The following SH3D19 variants were observed in gnomAD, a reference collection of about 807,000 sequenced individuals.
The protein encoded by SH3D19 is SH3 domain-containing protein 19.
A neutral mutation model predicts 112.1 loss-of-function variants in SH3D19; 58 were observed. The ratio of observed to expected loss-of-function variants is 0.52; its 90% CI spans 0.42 to 0.64. The LOEUF (loss-of-function observed/expected upper bound fraction) is 0.64. Ranked by LOEUF, SH3D19 falls within the 30% of genes least tolerant of loss-of-function variation. The pLI is 0.00. For synonymous variants in SH3D19, 391 were observed against 448.5 expected (o/e 0.87, Z 1.62); for missense variants, 1,090 against 1,263.4 (o/e 0.86, Z 2.08).
chr4:151,294,643 C>T (rs566011016), intron 1 of SH3D19, among the ~76,000 whole-genome samples: 97 of 152,320 alleles, frequency 6.4e-4, no homozygotes, highest in African/African-American at 2.0e-3. Context: ...AGTATGTCTA[C>T]GTGCATTCAA....
rs535496412 is a variant in SH3D19, at chr4:151,206,728, T to C, written c.153-19265A>G. Among the ~76,000 whole-genome samples, 8 of 152,028 alleles carry C rather than the reference T, an allele frequency of 5.3e-5. No homozygotes were observed. In the South Asian group the frequency reaches 1.0e-3, roughly 20 times the overall value. ...TTAAACTTGAATTAAATTAAAGGGGTTTTTATTATGAGCATACAAAGGTAT... is the reference window on the plus strand; with the variant it reads ...TTAAACTTGAATTAAATTAAAGGGGCTTTTATTATGAGCATACAAAGGTAT... On this transcript the variant is annotated intron_variant, in intron 2 of 19. Coordinates refer to ENST00000604030, the MANE Select transcript of SH3D19 (RefSeq NM_001378122.1).
intron 13 of SH3D19, among the ~76,000 whole-genome samples, chr4:151,139,044 T>G (rs537527603): frequency 2.6e-5 from 4 of 152,250 alleles, no homozygotes; most frequent in African/African-American, 9.6e-5. Context: ...CAGACTGGTC[T>G]GGACTCCTGA....
At chr4:151,213,499 G>T (rs1258817008) in intron 2 of SH3D19, among the ~76,000 whole-genome samples, 1 of 151,728 alleles carries the variant, frequency 6.6e-6, no homozygotes, top group African/African-American at 2.4e-5. Flanking sequence ...ACAAAAATTA[G>T]CCAGGCATGG....
intron 7 of SH3D19, among the ~76,000 whole-genome samples, chr4:151,167,109 C>CA (rs1342481270): frequency 6.6e-6 from 1 of 151,442 alleles, no homozygotes; most frequent in Non-Finnish European, 1.5e-5. Context: ...TACCAGCTCA[C>CA]AGTGAGTGAG....
intron 2 of SH3D19, among the ~76,000 whole-genome samples, chr4:151,189,995 G>C (rs1762385579): frequency 6.6e-6 from 1 of 152,168 alleles, no homozygotes; most frequent in African/African-American, 2.4e-5. Context: ...TAATGATATG[G>C]ATAATGAAAA....
intron 13 of SH3D19, 107 bp downstream of exon 13, chr4:151,139,668 G>C: frequency 1.1e-6 from 1 of 945,302 alleles, no homozygotes; most frequent in South Asian, 1.5e-5. Flanking sequence ...GGACTCTATA[G>C]GCACAGAAAA....
intron 3 of SH3D19, among the ~76,000 whole-genome samples, chr4:151,182,491 A>T (rs909194657): frequency 6.6e-6 from 1 of 152,248 alleles, no homozygotes; most frequent in Non-Finnish European, 1.5e-5. Flanking sequence ...GCCCCCAGGC[A>T]GCAGAGTGGC....
At chr4:151,215,539 C>T (rs1417975471) in intron 2 of SH3D19, among the ~76,000 whole-genome samples, 1 of 152,218 alleles carries the variant, frequency 6.6e-6, no homozygotes, top group African/African-American at 2.4e-5. Flanking sequence ...TACTGATTCT[C>T]AATCCTCCTG....
At chr4:151,275,549 G>A (rs1026936409) in intron 1 of SH3D19, among the ~76,000 whole-genome samples, 1 of 151,818 alleles carries the variant, frequency 6.6e-6, no homozygotes, top group African/African-American at 2.4e-5. Flanking sequence ...TTTGAGACAG[G>A]TTCTTTCCGT....
chr4:151,248,527 CTT>C (rs1419431961), intron 1 of SH3D19, among the ~76,000 whole-genome samples: 2 of 152,274 alleles, frequency 1.3e-5, no homozygotes, highest in East Asian at 3.9e-4. Context: ...TAAGATTAAA[CTT>C]AATTTAACAA....
intron 1 of SH3D19, among the ~76,000 whole-genome samples, chr4:151,302,123 A>C (rs187567397): frequency 6.6e-6 from 1 of 152,328 alleles, no homozygotes; most frequent in East Asian, 1.9e-4. Context: ...ATGTCAGGTT[A>C]ACCAAAGAAG....
Position 151,226,029 on chromosome 4 carries a change from G to T in SH3D19, c.152+18C>A, listed in dbSNP as rs1768938822. The T allele has an allele frequency of 1.6e-6, 2 of 1,226,248 alleles. No individual in the cohort carries two copies. The highest frequency in any genetic ancestry group is 2.0e-6 in the Non-Finnish European group (2 of 982,694). The allele number at this position is 1,226,248 out of a possible 1,614,324, so 76.0% of individuals were successfully genotyped here. On this transcript the variant is annotated intron_variant, in intron 2 of 19. Transcript: ENST00000604030. ...TAAGAAGCTTTATACAGAATTATTA[G>T]ATACTGTAAATTCATACCTTGAAGA...
At chr4:151,198,650 C>T (rs911515852) in intron 2 of SH3D19, among the ~76,000 whole-genome samples, 1 of 151,418 alleles carries the variant, frequency 6.6e-6, no homozygotes, top group African/African-American at 2.4e-5. Flanking sequence ...AAATAAAATA[C>T]ACTCAATCAA....
chr4:151,137,430 G>T (rs1397487529), intron 14 of SH3D19, among the ~76,000 whole-genome samples: 1 of 152,118 alleles, frequency 6.6e-6, no homozygotes, highest in African/African-American at 2.4e-5. Flanking sequence ...ATGTCTCAAA[G>T]AATTACCATA....
At chr4:151,300,384 C>G (rs1268214364) in intron 1 of SH3D19, 1 of 151,650 alleles carries the variant, frequency 6.6e-6, no homozygotes, top group Non-Finnish European at 1.5e-5. Context: ...TTAGCAAATA[C>G]TGAGTTCATA....
chr4:151,190,331 G>A (rs939902966), intron 2 of SH3D19, among the ~76,000 whole-genome samples: 3 of 152,218 alleles, frequency 2.0e-5, no homozygotes, highest in African/African-American at 7.2e-5. Flanking sequence ...AATGGCTGCA[G>A]AAACTTGCAT....
intron 2 of SH3D19, among the ~76,000 whole-genome samples, chr4:151,225,728 CACTT>C (rs1406070205): frequency 6.6e-6 from 1 of 151,948 alleles, no homozygotes; most frequent in East Asian, 1.9e-4. Flanking sequence ...CAGCAGTACA[CACTT>C]ACAAAAATAC....
intron 10 of SH3D19, among the ~76,000 whole-genome samples, chr4:151,148,664 A>G (rs1181815465): frequency 1.3e-5 from 2 of 152,206 alleles, no homozygotes; most frequent in Non-Finnish European, 2.9e-5. Flanking sequence ...TAAAAGTCTA[A>G]TTTAGATTAA....
intron 1 of SH3D19, among the ~76,000 whole-genome samples, chr4:151,308,030 C>T (rs1395845132): frequency 1.3e-5 from 2 of 152,120 alleles, no homozygotes; most frequent in Admixed American, 6.5e-5. Context: ...CTCAGCCTCC[C>T]GAATAGCTGG....
Sources: gnomAD v4.1 joint callset for allele counts (sites outside exome capture counted in the v4.1 genomes callset) on GRCh38, gnomAD v4.1.1 for gene constraint, MANE v1.5 for transcripts, NCBI Gene and HGNC (gene_info 2026-07-23, HGNC 2026-07-21) for gene names.